TNNI3K: variants seen among roughly 807,000 people sequenced by gnomAD.
The protein encoded by TNNI3K is TNNI3 interacting kinase.
TNNI3K carries 140 observed loss-of-function variants against 114.5 expected under a neutral mutation model. That is an observed-to-expected ratio of 1.22 (90% CI 1.07 to 1.41). The LOEUF is 1.41. Among genes scored for constraint, TNNI3K ranks in the 40% most tolerant of loss-of-function variants. TNNI3K has a pLI of 0.00. For synonymous variants in TNNI3K, 347 were observed against 347.5 expected (o/e 1.00, Z 0.02); for missense variants, 1,125 against 1,007.6 (o/e 1.12, Z -1.58).
At chr1:74,343,794 TA>T (rs1426454564) in intron 9 of TNNI3K, among the ~76,000 whole-genome samples, 13 of 151,452 alleles carry the variant, frequency 8.6e-5, no homozygotes, top group Admixed American at 8.6e-4. Context: ...GCAACCAAAA[TA>T]AAAAGAGAGA....
At chr1:74,370,033 T>G in intron 16 of TNNI3K, 1 of 263,762 alleles carries the variant, frequency 3.8e-6, no homozygotes, top group East Asian at 7.0e-5. Context: ...ACAAAGAAAT[T>G]AAGTATAGTA....
chr1:74,365,352 G>A (rs1557522649), intron 11 of TNNI3K, among the ~76,000 whole-genome samples: 1 of 151,946 alleles, frequency 6.6e-6, no homozygotes, highest in Non-Finnish European at 1.5e-5. Flanking sequence ...TACATCAGTC[G>A]CAGTCAAAGT....
At position 74,463,500 on chromosome 1, in the gene TNNI3K, C is replaced by T. The variant is rs750999277; in HGVS notation, c.2071C>T (p.Pro691Ser). The T allele has an allele frequency of 2.0e-5, 33 of 1,614,198 alleles. No homozygotes were observed. Among genetic ancestry groups the T allele is most frequent in the East Asian group, 1.8e-4 (8 of 44,888 alleles). Residue 691 changes from proline to serine, a missense_variant, in exon 21 of 25, where the codon CCC becomes TCC. Physicochemically the swap from Pro to Ser is moderately conservative, Grantham distance 74 (BLOSUM62 -1). Coordinates refer to ENST00000326637, the MANE Select transcript of TNNI3K (RefSeq NM_015978.3). ...HIRPPIGYSI[P>S]KPISSLLIRG... The stretch of plus-strand genomic sequence containing the variant: ...CAGACCTCCCATTGGCTATTCCATT[C>T]CCAAGCCCATATCATCTCTGCTGAT...
chr1:74,461,905 A>T lies in TNNI3K; in HGVS notation c.2012-1536A>T, dbSNP rs565719189. On this transcript the variant is annotated intron_variant, in intron 20 of 24. Coordinates refer to ENST00000326637, the MANE Select transcript of TNNI3K (RefSeq NM_015978.3). ...TGGAAAAACCTAAAATTCGGAAATG[A>T]TTAAAAACTAAATGCAGAGTCATTA... Among the ~76,000 whole-genome samples the T allele has an allele frequency of 3.9e-5, 6 of 152,376 alleles. No homozygotes were observed. The South Asian group carries it at 6.2e-4, about 16-fold the overall frequency.
At position 74,544,071 on chromosome 1, in the gene TNNI3K, T is replaced by G; in HGVS notation, c.*89T>G. On this transcript the variant is annotated 3_prime_UTR_variant, in exon 25 of 25. Coordinates refer to ENST00000326637, the MANE Select transcript of TNNI3K (RefSeq NM_015978.3). ...GGCAAGCTGGCTTCCAACTATAACA[T>G]TTTACTCTCAAAGGTCTCCTTAAAT... 7.1e-7 allele frequency: 1 copy of G among 1,413,222 alleles called. No individual in the cohort carries two copies. The highest frequency in any genetic ancestry group is 2.3e-5 in the Admixed American group (1 of 43,072). The allele number at this position is 1,413,222 out of a possible 1,614,324, so 87.5% of individuals were successfully genotyped here.
At chr1:74,326,253 C>T (rs1319351370) in intron 5 of TNNI3K, among the ~76,000 whole-genome samples, 6 of 152,140 alleles carry the variant, frequency 3.9e-5, no homozygotes, top group Admixed American at 3.9e-4. Context: ...TTTATTTCAT[C>T]TAGAATTTAC....
intron 21 of TNNI3K, 92 bp from the exon 22 acceptor site, chr1:74,489,097 T>G (rs1668908425): frequency 2.0e-6 from 2 of 1,018,550 alleles, no homozygotes; most frequent in African/African-American, 3.3e-5. Flanking sequence ...TTAATCTCAT[T>G]CTTTACAAAT....
intron 20 of TNNI3K, among the ~76,000 whole-genome samples, chr1:74,455,064 G>C (rs940638196): frequency 6.6e-6 from 1 of 152,102 alleles, no homozygotes; most frequent in South Asian, 2.1e-4. Context: ...AAGAGGAATA[G>C]GTCGCTGACC....
At chr1:74,421,298 T>A (rs893070437) in intron 17 of TNNI3K, among the ~76,000 whole-genome samples, 1 of 152,134 alleles carries the variant, frequency 6.6e-6, no homozygotes, top group Non-Finnish European at 1.5e-5. Flanking sequence ...ATGATTCATG[T>A]TTTAAAGGTG....
intron 17 of TNNI3K, among the ~76,000 whole-genome samples, chr1:74,390,880 T>C (rs1291745246): frequency 6.7e-6 from 1 of 149,614 alleles, no homozygotes; most frequent in East Asian, 2.0e-4. Context: ...CTGGTAAAGA[T>C]ATGGGTGGGA....
At chr1:74,243,682 G>A (rs1224962762) in intron 2 of TNNI3K, among the ~76,000 whole-genome samples, 1 of 152,016 alleles carries the variant, frequency 6.6e-6, no homozygotes, top group Non-Finnish European at 1.5e-5. Context: ...CTAGGTCAAA[G>A]GTAAAGGCTA....
intron 20 of TNNI3K, among the ~76,000 whole-genome samples, chr1:74,454,179 G>C (rs910463847): frequency 6.6e-6 from 1 of 151,978 alleles, no homozygotes; most frequent in African/African-American, 2.4e-5. Context: ...GAATAATAGG[G>C]ATATCTGACT....
At chr1:74,480,259 C>T in intron 21 of TNNI3K, 1 of 717,536 alleles carries the variant, frequency 1.4e-6, no homozygotes. Context: ...CACAGTTGGT[C>T]TCAGACAGCC....
At chr1:74,398,934 G>A (rs921528379) in intron 17 of TNNI3K, among the ~76,000 whole-genome samples, 1 of 151,842 alleles carries the variant, frequency 6.6e-6, no homozygotes, top group Non-Finnish European at 1.5e-5. Flanking sequence ...CAAGGCGGGT[G>A]GATCAAACTC....
chr1:74,318,871 T>A (rs1278526580), intron 5 of TNNI3K, among the ~76,000 whole-genome samples: 1 of 152,250 alleles, frequency 6.6e-6, no homozygotes, highest in African/African-American at 2.4e-5. Flanking sequence ...CCTCTTTTAA[T>A]ATTTACAAGT....
intron 5 of TNNI3K, among the ~76,000 whole-genome samples, chr1:74,296,072 G>A (rs1657963294): frequency 9.5e-6 from 1 of 105,266 alleles, no homozygotes. Flanking sequence ...TCAGAAGATC[G>A]AGACCATCCT....
At chr1:74,514,765 T>C (rs1646324099) in intron 23 of TNNI3K, among the ~76,000 whole-genome samples, 1 of 151,998 alleles carries the variant, frequency 6.6e-6, no homozygotes, top group South Asian at 2.1e-4. Context: ...GTGGTAAAAA[T>C]GTGAAGGGGT....
chr1:74,328,572 A>G (rs914413049), intron 5 of TNNI3K, among the ~76,000 whole-genome samples: 1 of 152,178 alleles, frequency 6.6e-6, no homozygotes, highest in African/African-American at 2.4e-5. Context: ...CTTGAATTTT[A>G]AAACAAACTA....
rs182037818 is a variant in TNNI3K at position 74,308,501 on chromosome 1, G to A, written c.445-22949G>A. 1.8e-4 allele frequency among the ~76,000 whole-genome samples: 27 copies of A among 152,220 alleles called. 2 individuals are homozygous for A. In the East Asian group the frequency reaches 5.2e-3, roughly 29 times the overall value. ...ACCATATCAAAACCTCTGGGCTTCA[G>A]TAAAAGCACTGTTATGAGGAAACTT... On this transcript the variant is annotated intron_variant, in intron 5 of 24. Coordinates refer to ENST00000326637, the MANE Select transcript of TNNI3K (RefSeq NM_015978.3).
Sources: gnomAD v4.1 joint callset for allele counts (sites outside exome capture counted in the v4.1 genomes callset) on GRCh38, gnomAD v4.1.1 for gene constraint, MANE v1.5 for transcripts, NCBI Gene and HGNC (gene_info 2026-07-23, HGNC 2026-07-21) for gene names.